KRT80: variants seen among roughly 807,000 people sequenced by gnomAD.
KRT80 encodes the protein keratin, type II cytoskeletal 80.
KRT80 carries 36 observed loss-of-function variants against 51.5 expected under a neutral mutation model. The observed-to-expected ratio is 0.70, with a 90% confidence interval of 0.54 to 0.92. KRT80 has a LOEUF of 0.92. Ranked by LOEUF, KRT80 falls within the 40% of genes least tolerant of loss-of-function variation. The pLI is 0.00. For missense variants in KRT80, 566 were observed against 591.7 expected, an observed-to-expected ratio of 0.96 and a Z score of 0.45; for synonymous variants, 235 against 248.3, an observed-to-expected ratio of 0.95 and a Z score of 0.50.
chr12:52,185,065 C>T (rs551278806), intron 2 of KRT80, among the ~76,000 whole-genome samples: 4 of 152,272 alleles, frequency 2.6e-5, no homozygotes, highest in Admixed American at 6.5e-5. Flanking sequence ...TACAAGAGGA[C>T]GGCTGCTCGA....
At chr12:52,179,307 C>T (rs1389486458) in intron 4 of KRT80, among the ~76,000 whole-genome samples, 3 of 152,212 alleles carry the variant, frequency 2.0e-5, no homozygotes, top group Non-Finnish European at 4.4e-5. Flanking sequence ...GCAGAGAAGC[C>T]CCTAGCCCAG....
In KRT80 at chr12:52,172,317, C is replaced by T; in HGVS notation, c.1059G>A (p.Gln353=). The T allele has an allele frequency of 6.2e-7, 1 of 1,614,246 alleles. No homozygotes were observed. The highest frequency in any genetic ancestry group is 1.3e-5 in the African/African-American group (1 of 75,080). ...TKLAQLEAAL[Q]QAKQDMARQL... ...GCCGCGCCATGTCCTGCTTGGCCTG[C>T]TGCAGGGCGGCCTCCAGCTGGGCCA... The change falls in exon 7 of 9, where the codon CAG becomes CAA. Residue 353 remains glutamine, a synonymous_variant. Coordinates refer to ENST00000394815, the MANE Select transcript of KRT80 (RefSeq NM_182507.3).
rs1941059996 is a variant in KRT80 at position 52,170,120 on chromosome 12, G to A, written c.*1278C>T. ...TAGGAGTATGCCTGCCAACACCCCT[G>A]TCTTCTGGTGGGATGTGGAATTTTC... On this transcript the variant is annotated 3_prime_UTR_variant, in exon 9 of 9. Transcript: ENST00000394815. 1 of 152,374 alleles carries A rather than the reference G, an allele frequency of 6.6e-6. No individual in the cohort carries two copies. Among genetic ancestry groups the A allele is most frequent in the Non-Finnish European group, 1.5e-5 (1 of 68,144 alleles). The allele number at this position is 152,374 out of a possible 1,614,324, so 9.4% of individuals were successfully genotyped here. A position where few individuals can be genotyped will look rare whatever the true frequency, so the allele number is the denominator to read the frequency against.
In KRT80 at chr12:52,191,608, C is replaced by A. The variant is rs758539926; in HGVS notation, c.295G>T (p.Gly99Cys). ...ALNDKFASLI[G>C]KVQALEQRNQ... Reference sequence around the variant, plus strand: ...GACCCCCTACTTGTGCTCACCTTGCCAATTAGGGAGGCAAATTTATCATTG... The same window carrying A: ...GACCCCCTACTTGTGCTCACCTTGCAAATTAGGGAGGCAAATTTATCATTG... The change falls in exon 1 of 9, where the codon GGC (glycine) becomes TGC (cysteine). Residue 99 changes from glycine (G) to cysteine (C), a missense_variant. Gly to Cys is a radical substitution (Grantham distance 159, BLOSUM62 -3). Coordinates refer to ENST00000394815, the MANE Select transcript of KRT80 (RefSeq NM_182507.3). The A allele has an allele frequency of 5.7e-6, 9 of 1,585,762 alleles. No homozygotes were observed. In the South Asian group the frequency reaches 1.0e-4, roughly 18 times the overall value.
Position 52,172,204 on chromosome 12 carries a change from T to G in KRT80, c.1172A>C (p.Glu391Ala). The G allele has an allele frequency of 6.2e-7, 1 of 1,613,462 alleles. No individual in the cohort carries two copies. The highest frequency in any genetic ancestry group is 8.5e-7 in the Non-Finnish European group (1 of 1,180,002). The change falls in exon 7 of 9, where the codon GAG becomes GCG. Residue 391 changes from glutamate to alanine, a missense_variant. By Grantham distance (107) the Glu-to-Ala change is moderately radical. Coordinates refer to ENST00000394815, the MANE Select transcript of KRT80 (RefSeq NM_182507.3). ...CACCAGCCCTGGCTCTCACCTGCCC[T>G]CCTCGCCCTCCACCAGCTTCCTGTA... ...ATYRKLVEGEEGRMDSPSATV... is the reference protein window; with the variant it reads ...ATYRKLVEGEAGRMDSPSATV...
Position 52,172,197 on chromosome 12 carries a change from C to A in KRT80, c.1178+1G>T. 6.2e-7 allele frequency: 1 copy of A among 1,613,370 alleles called. No homozygotes were observed. Among genetic ancestry groups the A allele is most frequent in the Non-Finnish European group, 8.5e-7 (1 of 1,179,998 alleles). On this transcript the variant is annotated splice_donor_variant, in intron 7 of 8. Coordinates refer to ENST00000394815, the MANE Select transcript of KRT80 (RefSeq NM_182507.3). LOFTEE classifies it high-confidence loss of function. ...CCTTCCTCACCAGCCCTGGCTCTCA[C>A]CTGCCCTCCTCGCCCTCCACCAGCT...
chr12:52,191,786 C>T lies in KRT80; in HGVS notation c.117G>A (p.Pro39=), dbSNP rs151126893. 10,064 of 1,610,704 alleles carry T rather than the reference C, an allele frequency of 6.2e-3. 349 individuals are homozygous for T. In the East Asian group the frequency reaches 0.082, roughly 13 times the overall value. ...SGWDSCRAPG[P]GFSSRSLTGC... ...CTGTGAGGCTGCGGGAGCTGAAGCC[C>T]GGCCCGGGGGCCCTGCAGCTGTCCC... Residue 39 remains proline, a synonymous_variant, in exon 1 of 9, where the codon CCG becomes CCA. Transcript: ENST00000394815.
chr12:52,176,869 T>C (rs975069528), intron 4 of KRT80, among the ~76,000 whole-genome samples: 6 of 152,240 alleles, frequency 3.9e-5, no homozygotes, highest in Admixed American at 2.0e-4. Context: ...GATCTAATTA[T>C]AGAGCTGAAA....
At chr12:52,183,145 G>A (rs1262721835) in intron 2 of KRT80, among the ~76,000 whole-genome samples, 1 of 152,166 alleles carries the variant, frequency 6.6e-6, no homozygotes, top group South Asian at 2.1e-4. Flanking sequence ...CCCTTGCTGG[G>A]CCTCTGCTTT....
At chr12:52,171,557 G>A (rs752097936) in intron 8 of KRT80, 35 bp from the exon 9 acceptor site, 1 of 1,613,700 alleles carries the variant, frequency 6.2e-7, no homozygotes, top group Non-Finnish European at 8.5e-7. Flanking sequence ...GAGGGAAGGG[G>A]CTGGAGGTTT....
chr12:52,181,767 G>A (rs574865785), intron 2 of KRT80, among the ~76,000 whole-genome samples: 15 of 152,350 alleles, frequency 9.8e-5, no homozygotes, highest in Non-Finnish European at 1.5e-4. Flanking sequence ...TCCCTGGCCC[G>A]ACCCTCTTCC....
chr12:52,172,655 G>A (rs1215625976), intron 6 of KRT80, among the ~76,000 whole-genome samples: 3 of 152,272 alleles, frequency 2.0e-5, no homozygotes, highest in South Asian at 2.1e-4. Flanking sequence ...AGCCTGTCCC[G>A]GCTGTCCTTA....
rs1366691361 is a variant in KRT80, at chr12:52,177,706, G to A, written c.666+2807C>T. On this transcript the variant is annotated intron_variant, in intron 4 of 8. Coordinates refer to ENST00000394815, the MANE Select transcript of KRT80 (RefSeq NM_182507.3). The stretch of plus-strand genomic sequence containing the variant: ...ACACACACACATGTTTTGGAGAGAC[G>A]AGAGGGCTGTTTTCTGGGACACAGG... 2.6e-5 allele frequency among the ~76,000 whole-genome samples: 4 copies of A among 151,894 alleles called. No homozygotes were observed. The East Asian group carries it at 5.8e-4, about 22-fold the overall frequency.
intron 1 of KRT80, among the ~76,000 whole-genome samples, chr12:52,187,977 G>A (rs1941430251): frequency 6.6e-6 from 1 of 152,096 alleles, no homozygotes; most frequent in African/African-American, 2.4e-5. Flanking sequence ...GACATGGTGT[G>A]CGTTTGGCCG....
chr12:52,172,239 C>T lies in KRT80; in HGVS notation c.1137G>A (p.Glu379=). ...LMNVKLALDI[E]IATYRKLVEG... ...CCACCAGCTTCCTGTAGGTGGCGAT[C>T]TCGATGTCCAGGGCCAGCTTGACGT... is the stretch of plus-strand genomic sequence containing the variant. Residue 379 remains glutamate, a synonymous_variant, in exon 7 of 9, where the codon GAG becomes GAA. Transcript: ENST00000394815. 6.2e-7 allele frequency: 1 copy of T among 1,614,056 alleles called. No homozygotes were observed. Among genetic ancestry groups the T allele is most frequent in the Non-Finnish European group, 8.5e-7 (1 of 1,180,024 alleles).
At position 52,192,008 on chromosome 12, in the gene KRT80, G is replaced by A. The variant is rs970210254; in HGVS notation, c.-106C>T. ...GCTCTGGTCACAGCTGGGGCGGGCTGGGGACTGAGGAGCAGACACCTGTTG... is the reference window on the plus strand; with the variant it reads ...GCTCTGGTCACAGCTGGGGCGGGCTAGGGACTGAGGAGCAGACACCTGTTG... On this transcript the variant is annotated 5_prime_UTR_variant, in exon 1 of 9. Transcript: ENST00000394815. 4 of 1,050,104 alleles carry A rather than the reference G, an allele frequency of 3.8e-6. No homozygotes were observed. The African/African-American group carries it at 6.5e-5, about 17-fold the overall frequency. The allele number at this position is 1,050,104 out of a possible 1,614,324, so 65.0% of individuals were successfully genotyped here. A position where few individuals can be genotyped will look rare whatever the true frequency, so the allele number is the denominator to read the frequency against.
At chr12:52,173,296 C>T in intron 5 of KRT80, 133 bp from the exon 6 acceptor site, 1 of 1,234,178 alleles carries the variant, frequency 8.1e-7, no homozygotes, top group South Asian at 1.7e-5. Flanking sequence ...GCCAGGCTCC[C>T]TCAGCTCCCC....
At chr12:52,173,400 A>T (rs1941154330) in intron 5 of KRT80, among the ~76,000 whole-genome samples, 200 bp downstream of exon 5, 1 of 151,942 alleles carries the variant, frequency 6.6e-6, no homozygotes, top group East Asian at 1.9e-4. Context: ...TGATAACAGC[A>T]CCACCTTGAA....
rs1042863170 is a variant in KRT80, at chr12:52,177,680, TAC to T, written c.666+2831_666+2832del. Among the ~76,000 whole-genome samples the T allele has an allele frequency of 1.1e-3, 171 of 151,642 alleles. 1 individual carries two copies. Among genetic ancestry groups the T allele is most frequent in the African/African-American group, 4.1e-3 (168 of 41,330 alleles). ...GTGTGTGTGTGCATGTGTGTGTATG[TAC>T]ACACACACATGTTTTGGAGAGACGA... On this transcript the variant is annotated intron_variant, in intron 4 of 8. Transcript: ENST00000394815.
Sources: allele counts gnomAD v4.1 joint callset (sites outside exome capture counted in the v4.1 genomes callset), GRCh38; gene constraint gnomAD v4.1.1; transcripts MANE v1.5; gene names NCBI Gene and HGNC (gene_info 2026-07-23, HGNC 2026-07-21).